Variants in PARN observed in about 807,000 individuals in gnomAD.
The protein encoded by PARN is poly(A)-specific ribonuclease, also known as poly(A)-specific ribonuclease PARN.
A neutral mutation model predicts 102.8 loss-of-function variants in PARN; 71 were observed. That is an observed-to-expected ratio of 0.69 (90% confidence interval 0.57 to 0.84). PARN has a LOEUF of 0.84. Ranked by LOEUF, PARN falls within the 40% of genes least tolerant of loss-of-function variation. The pLI, the probability that PARN is intolerant of heterozygous loss-of-function variation, is 0.00. For missense variants in PARN, 782 were observed against 760.9 expected (o/e 1.03, Z -0.33); for synonymous variants, 261 against 252.9 (o/e 1.03, Z -0.30).
In PARN at chr16:14,609,885, G is replaced by C. The variant is rs183736736; in HGVS notation, c.554+759C>G. On this transcript the variant is annotated intron_variant, in intron 7 of 23. Coordinates refer to ENST00000437198, the MANE Select transcript of PARN (RefSeq NM_002582.4). The stretch of plus-strand genomic sequence containing the variant: ...AGTGGCTGTCAGGTATTCAGTCCAT[G>C]CAAGTTTTAGAAGTCAGCTGATTAG... Among the ~76,000 whole-genome samples the C allele has an allele frequency of 1.3e-4, 20 of 152,286 alleles. No individual in the cohort carries two copies. In the East Asian group the frequency reaches 2.7e-3, roughly 21 times the overall value.
rs191547748 is a variant in PARN, at chr16:14,617,441, A to G, written c.388+149T>C. The G allele has an allele frequency of 5.8e-4, 329 of 569,446 alleles. 4 individuals are homozygous for G. The highest frequency in any genetic ancestry group is 5.7e-3 in the African/African-American group (304 of 53,248). The allele number at this position is 569,446 out of a possible 1,614,324, so 35.3% of individuals were successfully genotyped here. ...AAGTTTTTAAAAATTCTAAGGCTGC[A>G]TATGTGTACTGGCTGCACATGTATG... On this transcript the variant is annotated intron_variant, in intron 6 of 23. Coordinates refer to ENST00000437198, the MANE Select transcript of PARN (RefSeq NM_002582.4).
At chr16:14,436,871 C>T (rs1301662574) in intron 23 of PARN, 99 bp from the exon 24 acceptor site, 3 of 852,334 alleles carry the variant, frequency 3.5e-6, no homozygotes, top group Non-Finnish European at 5.8e-6. Flanking sequence ...CCTGTGACGG[C>T]TGCAGACGGG....
intron 21 of PARN, among the ~76,000 whole-genome samples, chr16:14,492,514 G>A (rs573880637): frequency 5.9e-5 from 9 of 152,164 alleles, no homozygotes; most frequent in South Asian, 2.1e-4. Flanking sequence ...AAGTTCCATC[G>A]GCACCCAACT....
intron 2 of PARN, among the ~76,000 whole-genome samples, chr16:14,629,258 T>C (rs1049190146): frequency 1.1e-4 from 17 of 152,286 alleles, no homozygotes; most frequent in Non-Finnish European, 7.3e-5. Context: ...CCACTTAAAA[T>C]GGCAAATTTC....
intron 5 of PARN, among the ~76,000 whole-genome samples, chr16:14,620,808 C>T (rs761124536): frequency 6.6e-6 from 1 of 152,112 alleles, no homozygotes; most frequent in Non-Finnish European, 1.5e-5. Context: ...GACTGTGTTT[C>T]CCTCTTTTCT....
rs569441323 is a variant in PARN at position 14,530,555 on chromosome 16, A to C, written c.1480+21466T>G. ...AAAAAAGGTTACATTAAAAAAAAAA[A>C]ACTATATTATATAAGACACACTGAC... is the stretch of plus-strand genomic sequence containing the variant. On this transcript the variant is annotated intron_variant, in intron 21 of 23. Coordinates refer to ENST00000437198, the MANE Select transcript of PARN (RefSeq NM_002582.4). Among the ~76,000 whole-genome samples, 5 of 151,722 alleles carry C rather than the reference A, an allele frequency of 3.3e-5. 1 individual carries two copies. In the South Asian group the frequency reaches 1.0e-3, roughly 32 times the overall value.
chr16:14,626,864 T>C (rs1254360124), intron 5 of PARN, among the ~76,000 whole-genome samples: 2 of 151,808 alleles, frequency 1.3e-5, no homozygotes, highest in Admixed American at 1.3e-4. Flanking sequence ...TGATCCGCCC[T>C]CCCCGGCCTC....
intron 21 of PARN, among the ~76,000 whole-genome samples, chr16:14,494,833 T>C (rs1316133695): frequency 1.3e-5 from 2 of 152,152 alleles, no homozygotes; most frequent in South Asian, 4.1e-4. Flanking sequence ...TACACAGTTC[T>C]CCGAGTCCTA....
At chr16:14,618,437 G>A (rs185579332) in intron 5 of PARN, among the ~76,000 whole-genome samples, 19 of 150,978 alleles carry the variant, frequency 1.3e-4, no homozygotes, top group East Asian at 9.7e-4. Flanking sequence ...GCAGTGAGCC[G>A]AGATCATGCC....
intron 21 of PARN, chr16:14,501,554 C>T (rs1051703241): frequency 6.6e-6 from 1 of 151,582 alleles, no homozygotes; most frequent in Non-Finnish European, 1.5e-5. Flanking sequence ...ATATCTTACC[C>T]CACCCTGATG....
At chr16:14,616,981 C>T (rs890440972) in intron 6 of PARN, among the ~76,000 whole-genome samples, 1 of 150,266 alleles carries the variant, frequency 6.7e-6, no homozygotes, top group African/African-American at 2.5e-5. Context: ...AAACTGCACT[C>T]GATAAAAACA....
chr16:14,471,381 A>G (rs1442471594), intron 22 of PARN, among the ~76,000 whole-genome samples: 2 of 152,220 alleles, frequency 1.3e-5, no homozygotes, highest in African/African-American at 2.4e-5. Flanking sequence ...TCAATAATTC[A>G]TAATTCTCTA....
At chr16:14,629,938 G>A (rs1239915576) in intron 1 of PARN, among the ~76,000 whole-genome samples, 169 bp downstream of exon 1, 1 of 152,242 alleles carries the variant, frequency 6.6e-6, no homozygotes, top group Admixed American at 6.5e-5. Context: ...TAGGGTGCAC[G>A]GTCCGCAGCC....
At chr16:14,550,981 G>A (rs772908888) in intron 21 of PARN, among the ~76,000 whole-genome samples, 1 of 151,350 alleles carries the variant, frequency 6.6e-6, no homozygotes, top group Non-Finnish European at 1.5e-5. Context: ...TTTTTTTCAA[G>A]ACAGGGTCTC....
At chr16:14,479,305 C>A (rs2151593013) in intron 22 of PARN, among the ~76,000 whole-genome samples, 1 of 151,774 alleles carries the variant, frequency 6.6e-6, no homozygotes, top group East Asian at 1.9e-4. Flanking sequence ...GGCTGTAGTC[C>A]CAGCTATTTG....
At chr16:14,539,435 AT>A (rs1966756588) in intron 21 of PARN, among the ~76,000 whole-genome samples, 2 of 152,198 alleles carry the variant, frequency 1.3e-5, no homozygotes, top group Admixed American at 1.3e-4. Flanking sequence ...GCCCTAAAGA[AT>A]GCTAATTAGG....
intron 5 of PARN, among the ~76,000 whole-genome samples, chr16:14,620,228 T>C (rs892729293): frequency 6.6e-6 from 1 of 151,106 alleles, no homozygotes; most frequent in Non-Finnish European, 1.5e-5. Flanking sequence ...ATACAAAAAA[T>C]TAGCCAGGCG....
At chr16:14,612,385 C>T (rs1485492596) in intron 6 of PARN, among the ~76,000 whole-genome samples, 5 of 151,470 alleles carry the variant, frequency 3.3e-5, no homozygotes, top group African/African-American at 1.2e-4. Context: ...TACAGTGAGC[C>T]GAGATCGTGC....
rs780700912 is a variant in PARN, at chr16:14,593,354, T to C, written c.865A>G (p.Met289Val). ...NSGKLVIGHN[M>V]LLDVMHTVHQ... is the part of the protein sequence containing the mutation. ...ACTGTGTGCATGACGTCCAAGAGCA[T>C]ATTGTGTCCAATAACAAGTTTTCCC... Residue 289 changes from methionine to valine, a missense_variant, in exon 13 of 24, where the codon ATG (methionine) becomes GTG (valine). Physicochemically the swap from Met to Val is conservative, Grantham distance 21. Transcript: ENST00000437198. The C allele has an allele frequency of 2.4e-5, 39 of 1,604,800 alleles. No homozygotes were observed. Among genetic ancestry groups the C allele is most frequent in the Non-Finnish European group, 3.2e-5 (37 of 1,171,866 alleles).
Sources: gnomAD v4.1 joint callset for allele counts (sites outside exome capture counted in the v4.1 genomes callset) on GRCh38, gnomAD v4.1.1 for gene constraint, MANE v1.5 for transcripts, NCBI Gene and HGNC (gene_info 2026-07-23, HGNC 2026-07-21) for gene names.